RIMS2: variants seen among roughly 807,000 people sequenced by gnomAD.
RIMS2 encodes regulating synaptic membrane exocytosis 2.
In RIMS2, 59 loss-of-function variants were observed where a neutral mutation model predicts 174.4. That is an observed-to-expected ratio of 0.34 (90% CI 0.27 to 0.42). The LOEUF (loss-of-function observed/expected upper bound fraction) is 0.42, where lower values mean the gene tolerates loss of function less well. Among genes scored for constraint, RIMS2 ranks in the 10% least tolerant of loss-of-function variants. The pLI is 1.00. For missense variants in RIMS2, 1,620 were observed against 1,666.3 expected (o/e 0.97, Z 0.48); for synonymous variants, 606 against 572.5 (o/e 1.06, Z -0.84).
chr8:103,525,666 C>G (rs1833649639), intron 1 of RIMS2, among the ~76,000 whole-genome samples: 1 of 152,134 alleles, frequency 6.6e-6, no homozygotes, highest in Non-Finnish European at 1.5e-5. Flanking sequence ...GACAAAATAT[C>G]TACTAATTGA....
chr8:103,550,491 C>T (rs772998848), intron 1 of RIMS2, among the ~76,000 whole-genome samples: 1 of 152,074 alleles, frequency 6.6e-6, no homozygotes, highest in Non-Finnish European at 1.5e-5. Flanking sequence ...TAAATGCCCA[C>T]AAGAGAAAGC....
At chr8:103,711,585 C>A (rs2097304244) in intron 2 of RIMS2, among the ~76,000 whole-genome samples, 1 of 152,046 alleles carries the variant, frequency 6.6e-6, no homozygotes. Flanking sequence ...GCTAAATATG[C>A]AGCTCCAAGA....
chr8:103,920,176 T>A lies in RIMS2; in HGVS notation c.2084-1496T>A, dbSNP rs143700146. Among the ~76,000 whole-genome samples the A allele has an allele frequency of 1.9e-4, 29 of 152,280 alleles. No homozygotes were observed. The East Asian group carries it at 4.8e-3, about 25-fold the overall frequency. On this transcript the variant is annotated intron_variant, in intron 9 of 23. Coordinates refer to ENST00000504942, the Ensembl canonical transcript of RIMS2. ...ATCCAATCTTTTATTCTTTAAACAT[T>A]GAGTTTTTTTCCAAGCCCCTGTCCT...
At chr8:103,861,776 T>C (rs763272692) in intron 3 of RIMS2, among the ~76,000 whole-genome samples, 40 of 152,098 alleles carry the variant, frequency 2.6e-4, no homozygotes, top group Non-Finnish European at 1.3e-4. Context: ...TATATGTTTC[T>C]CTTTGAGGAA....
chr8:103,635,815 G>T (rs750517720), intron 1 of RIMS2, among the ~76,000 whole-genome samples: 3 of 152,192 alleles, frequency 2.0e-5, no homozygotes, highest in African/African-American at 4.8e-5. Flanking sequence ...AGGCTGGAAT[G>T]GCTAAGTTGT....
At chr8:103,598,839 G>C (rs539873983) in intron 1 of RIMS2, among the ~76,000 whole-genome samples, 2 of 152,212 alleles carry the variant, frequency 1.3e-5, no homozygotes, top group Admixed American at 6.5e-5. Context: ...TCCTGGCTTT[G>C]CTGACAGGTA....
chr8:104,180,360 G>T (rs1040863921), intron 19 of RIMS2, among the ~76,000 whole-genome samples: 1 of 147,574 alleles, frequency 6.8e-6, no homozygotes, highest in Non-Finnish European at 1.5e-5. Context: ...TTCTTAGTGA[G>T]GTTTTTTTTT....
At chr8:103,966,295 AATTT>A (rs1054299230) in intron 15 of RIMS2, among the ~76,000 whole-genome samples, 1 of 152,098 alleles carries the variant, frequency 6.6e-6, no homozygotes, top group African/African-American at 2.4e-5. Context: ...TTATTGATTC[AATTT>A]ATTTAATAGA....
At chr8:103,626,491 T>C (rs575273077) in intron 1 of RIMS2, among the ~76,000 whole-genome samples, 2 of 152,346 alleles carry the variant, frequency 1.3e-5, no homozygotes, top group Admixed American at 6.5e-5. Context: ...TAATGTAATG[T>C]AGCACACAAC....
intron 2 of RIMS2, among the ~76,000 whole-genome samples, chr8:103,745,632 T>C (rs7017726): frequency 0.23 from 34,940 of 152,096 alleles, 4,298 homozygotes; most frequent in Non-Finnish European, 0.25. Context: ...AACACTTATT[T>C]TCTGTTCTTT....
At chr8:103,611,471 C>A (rs2095364016) in intron 1 of RIMS2, among the ~76,000 whole-genome samples, 4 of 151,138 alleles carry the variant, frequency 2.6e-5, no homozygotes, top group African/African-American at 9.7e-5. Context: ...AACCCTTTAG[C>A]ATTTCTTATA....
intron 2 of RIMS2, among the ~76,000 whole-genome samples, chr8:103,733,943 G>T (rs2097646784): frequency 6.6e-6 from 1 of 150,822 alleles, no homozygotes; most frequent in East Asian, 1.9e-4. Context: ...GTTCAATTTG[G>T]TGTTTCTATG....
At chr8:103,501,450 A>C in intron 1 of RIMS2, 2 of 153,880 alleles carry the variant, frequency 1.3e-5, no homozygotes, top group Admixed American at 1.3e-4. Context: ...AGAATCCAAT[A>C]TGGCCGTGCA....
chr8:103,768,046 T>C (rs1375862816), intron 3 of RIMS2, among the ~76,000 whole-genome samples: 2 of 152,146 alleles, frequency 1.3e-5, no homozygotes, highest in Non-Finnish European at 2.9e-5. Flanking sequence ...GATTTTGCTA[T>C]GTAGGGAATG....
chr8:104,170,445 A>G (rs1483840005), intron 19 of RIMS2, among the ~76,000 whole-genome samples: 2 of 151,700 alleles, frequency 1.3e-5, no homozygotes, highest in Admixed American at 6.6e-5. Flanking sequence ...TTTTTACTAT[A>G]AGTATGATTT....
exon 10 of RIMS2, chr8:103,921,706 T>A: frequency 6.4e-7 from 1 of 1,557,436 alleles, no homozygotes; most frequent in Non-Finnish European, 8.9e-7. Context: ...AAATGGATCG[T>A]CCTTCTATTT....
At chr8:103,942,854 C>G in exon 14 of RIMS2, 1 of 1,612,946 alleles carries the variant, frequency 6.2e-7, no homozygotes, top group African/African-American at 1.3e-5. Context: ...CTCTTCATTG[C>G]CACTTCCCCA....
chr8:103,645,259 A>T (rs2096303781), intron 1 of RIMS2, among the ~76,000 whole-genome samples: 1 of 152,096 alleles, frequency 6.6e-6, no homozygotes, highest in Non-Finnish European at 1.5e-5. Context: ...ACTGTATTTA[A>T]ATACTAAATG....
chr8:103,835,163 G>A (rs190905362), intron 3 of RIMS2, among the ~76,000 whole-genome samples: 9 of 145,556 alleles, frequency 6.2e-5, no homozygotes, highest in South Asian at 4.4e-4. Context: ...GTGCAGTGGC[G>A]CGATCTCAGC....
Sources: gnomAD v4.1 joint callset for allele counts (sites outside exome capture counted in the v4.1 genomes callset) on GRCh38, gnomAD v4.1.1 for gene constraint, MANE v1.5 for transcripts, NCBI Gene and HGNC (gene_info 2026-07-23, HGNC 2026-07-21) for gene names.